Variants in MFSD11 observed in about 807,000 individuals in gnomAD.
MFSD11 encodes the protein major facilitator superfamily domain containing 11.
In MFSD11, 36 loss-of-function variants were observed where a neutral mutation model predicts 53.5. That is an observed-to-expected ratio of 0.67 (90% confidence interval 0.52 to 0.89). The LOEUF is 0.89. Among genes scored for constraint, MFSD11 ranks in the 40% least tolerant of loss-of-function variants. The pLI is 0.00. For missense variants in MFSD11, 530 were observed against 543.9 expected (o/e 0.97, Z 0.25); for synonymous variants, 186 against 184.9 (o/e 1.01, Z -0.05).
At chr17:76,767,259 A>G (rs953499812) in intron 8 of MFSD11, 127 bp from the exon 9 acceptor site, 12 of 593,618 alleles carry the variant, frequency 2.0e-5, no homozygotes, top group Non-Finnish European at 3.3e-5. Context: ...TTAATCTGAA[A>G]GTTATATCCC....
chr17:76,789,281 T>C, the MFSD11 span, among the ~76,000 whole-genome samples: 1 of 150,296 alleles, frequency 6.7e-6, no homozygotes, highest in East Asian at 1.9e-4. Flanking sequence ...TTGGCATGGT[T>C]CCGGGGTTTG....
chr17:76,776,318 T>A lies in MFSD11; in HGVS notation c.1050-88T>A. ...TTTCATAGTGTTTACAACTTGCAGG[T>A]AGAATTCTTTTGTGGGTGGGTTGCT... is the stretch of plus-strand genomic sequence containing the variant. On this transcript the variant is annotated intron_variant, in intron 11 of 12. Transcript: ENST00000685175. This position sits in a 1 kb window ranked among gnomAD's most constrained non-coding sequence, Gnocchi z 4.2. The A allele has an allele frequency of 7.2e-7, 1 of 1,390,974 alleles. No individual in the cohort carries two copies. Among genetic ancestry groups the A allele is most frequent in the East Asian group, 2.3e-5 (1 of 42,576 alleles). 86.2% of individuals were successfully genotyped at this position (1,390,974 alleles called of 1,614,324 possible).
chr17:76,744,636 A>G (rs1325001093), intron 7 of MFSD11, among the ~76,000 whole-genome samples, 170 bp downstream of exon 7: 1 of 152,190 alleles, frequency 6.6e-6, no homozygotes, highest in East Asian at 1.9e-4. Context: ...AAGAAAAAAA[A>G]GGTCACCAGA....
intron 5 of MFSD11, 53 bp from the exon 6 acceptor site, chr17:76,743,345 T>C: frequency 1.7e-6 from 2 of 1,181,652 alleles, no homozygotes; most frequent in East Asian, 2.5e-5. Context: ...TTTAAAAAAC[T>C]ATAAATATTA....
chr17:76,750,827 G>A (rs1416061679), intron 7 of MFSD11, among the ~76,000 whole-genome samples: 2 of 142,324 alleles, frequency 1.4e-5, no homozygotes, highest in Non-Finnish European at 3.1e-5. Context: ...TTTTTGATAC[G>A]GAGTCTCGCT....
chr17:76,751,497 G>T (rs1479291810), intron 7 of MFSD11, among the ~76,000 whole-genome samples: 1 of 151,772 alleles, frequency 6.6e-6, no homozygotes, highest in Non-Finnish European at 1.5e-5. Flanking sequence ...TTCCAGACCA[G>T]CCTGGCAACC....
chr17:76,754,040 T>G lies in MFSD11; in HGVS notation c.642-7T>G, dbSNP rs762002968. 2.5e-6 allele frequency: 4 copies of G among 1,602,016 alleles called. No individual in the cohort carries two copies. The African/African-American group carries it at 5.4e-5, about 22-fold the overall frequency. ...AAAAACTTATTTTTTACATTTTATT[T>G]TCTCAGGTCTGCCCAGAACAATCTG... is the stretch of plus-strand genomic sequence containing the variant. On this transcript the variant is annotated splice_polypyrimidine_tract_variant and splice_region_variant and intron_variant, in intron 7 of 12. Transcript: ENST00000685175.
chr17:76,770,981 G>T (rs1192503155), intron 10 of MFSD11, among the ~76,000 whole-genome samples: 1 of 152,200 alleles, frequency 6.6e-6, no homozygotes, highest in Non-Finnish European at 1.5e-5. Context: ...GAGGTGGGAG[G>T]ATCACTTGAG....
chr17:76,784,213 A>G (rs960725332), downstream of MFSD11, among the ~76,000 whole-genome samples: 11 of 152,228 alleles, frequency 7.2e-5, no homozygotes, highest in African/African-American at 2.7e-4. Flanking sequence ...CAAAAAGTCA[A>G]AACAACTCAA....
intron 8 of MFSD11, among the ~76,000 whole-genome samples, chr17:76,759,689 T>C (rs986251744): frequency 1.3e-5 from 2 of 150,500 alleles, no homozygotes; most frequent in African/African-American, 4.9e-5. Flanking sequence ...GATCTCCTGA[T>C]CTCGTGATCT....
At chr17:76,802,928 A>G in the MFSD11 span, among the ~76,000 whole-genome samples, 5 of 152,096 alleles carry the variant, frequency 3.3e-5, no homozygotes, top group African/African-American at 1.2e-4. Flanking sequence ...AAGGTGTTAT[A>G]AAACCCAAAG....
At chr17:76,740,895 C>T (rs1424394820) in intron 2 of MFSD11, 62 bp from the exon 3 acceptor site, 4 of 898,010 alleles carry the variant, frequency 4.5e-6, no homozygotes, top group East Asian at 2.4e-5. Flanking sequence ...TAAACAGTGA[C>T]ACAGCATATA....
At chr17:76,772,767 C>T (rs767038633) in intron 10 of MFSD11, among the ~76,000 whole-genome samples, 2 of 152,072 alleles carry the variant, frequency 1.3e-5, no homozygotes, top group East Asian at 1.9e-4. Context: ...CCACCCACCT[C>T]GGCCTCCCAA....
At chr17:76,788,512 C>T in the MFSD11 span, among the ~76,000 whole-genome samples, 1 of 148,822 alleles carries the variant, frequency 6.7e-6, no homozygotes, top group Admixed American at 6.7e-5. Context: ...ATTACAGGTG[C>T]CTGCCACCAC....
chr17:76,738,649 T>A (rs1183783561), intron 1 of MFSD11: 4 of 609,680 alleles, frequency 6.6e-6, no homozygotes, highest in African/African-American at 5.6e-5. Context: ...TATCGTTTAA[T>A]CTGATTTGAT....
At chr17:76,769,712 A>C (rs756899917) in intron 9 of MFSD11, 34 bp from the exon 10 acceptor site, 1 of 1,539,800 alleles carries the variant, frequency 6.5e-7, no homozygotes. Flanking sequence ...ATGTGAATAT[A>C]TAAATGACAT....
At chr17:76,764,114 C>T (rs573758276) in intron 8 of MFSD11, among the ~76,000 whole-genome samples, 1 of 152,274 alleles carries the variant, frequency 6.6e-6, no homozygotes, top group South Asian at 2.1e-4. Flanking sequence ...ATTCGCCTGC[C>T]TCCCGAAGTG....
At chr17:76,748,046 G>A (rs2078706008) in intron 7 of MFSD11, 1 of 141,246 alleles carries the variant, frequency 7.1e-6, no homozygotes, top group Admixed American at 7.5e-5. Flanking sequence ...CAATGCACGT[G>A]TAAGAAAATA....
chr17:76,764,477 T>TC (rs2080621254), intron 8 of MFSD11, among the ~76,000 whole-genome samples: 1 of 152,172 alleles, frequency 6.6e-6, no homozygotes, highest in Admixed American at 6.6e-5. Context: ...TTTTTAATAT[T>TC]CCCCATATAA....
Sources: allele counts gnomAD v4.1 joint callset (sites outside exome capture counted in the v4.1 genomes callset), GRCh38; gene constraint gnomAD v4.1.1; non-coding constraint Gnocchi (gnomAD v3.1); transcripts MANE v1.5; gene names NCBI Gene and HGNC (gene_info 2026-07-23, HGNC 2026-07-21).